Variants in ZNF362 observed in about 807,000 individuals in gnomAD.
ZNF362 encodes the protein rotund homolog.
ZNF362 carries 11 observed loss-of-function variants against 42.9 expected under a neutral mutation model. The observed-to-expected ratio is 0.26, with a 90% CI of 0.16 to 0.42. ZNF362 has a LOEUF of 0.42. ZNF362 is among the 20% of genes least tolerant of loss of function. The pLI, the probability that ZNF362 is intolerant of heterozygous loss-of-function variation, is 1.00. For missense variants in ZNF362, 362 were observed against 576.2 expected (o/e 0.63, Z 3.81); for synonymous variants, 255 against 257.3 (o/e 0.99, Z 0.09).
chr1:33,294,823 A>G lies in ZNF362; in HGVS notation c.909-114A>G, dbSNP rs973118368. ...CTGGGCTCACTCTTGGTCCTTGGGG[A>G]GCATGGGCAGGGTAGGGACCGAGAG... On this transcript the variant is annotated intron_variant, in intron 6 of 8. Coordinates refer to ENST00000539719, the MANE Select transcript of ZNF362 (RefSeq NM_152493.3). The surrounding 1 kb of genome is among the most constrained non-coding windows in gnomAD (Gnocchi z 4.2). The G allele has an allele frequency of 7.1e-6, 8 of 1,125,302 alleles. No homozygotes were observed. Among genetic ancestry groups the G allele is most frequent in the Non-Finnish European group, 1.0e-5 (8 of 763,408 alleles). 69.7% of individuals were successfully genotyped at this position (1,125,302 alleles called of 1,614,324 possible).
chr1:33,196,117 C>T, the ZNF362 span: 2 of 152,268 alleles, frequency 1.3e-5, no homozygotes, highest in African/African-American at 4.8e-5. Flanking sequence ...CAGTGGTCCA[C>T]ACCTGTAATC....
Position 33,295,236 on chromosome 1 carries a change from C to T in ZNF362, c.1077C>T (p.His359=). The T allele has an allele frequency of 1.9e-6, 3 of 1,614,262 alleles. No individual in the cohort carries two copies. Among genetic ancestry groups the T allele is most frequent in the South Asian group, 2.2e-5 (2 of 91,086 alleles). The change falls in exon 8 of 9, where the codon CAC becomes CAT. Residue 359 remains histidine (H), a synonymous_variant. Coordinates refer to ENST00000539719, the MANE Select transcript of ZNF362 (RefSeq NM_152493.3). The part of the protein sequence containing the change: ...AYSDSASLQI[H]LSAHAIKHAK... The stretch of plus-strand genomic sequence containing the variant: ...CGGACTCCGCTTCTTTGCAGATCCA[C>T]CTCTCGGCCCACGCCATCAAGCACG...
the ZNF362 span, among the ~76,000 whole-genome samples, chr1:33,215,504 AG>A: frequency 1.3e-5 from 2 of 152,208 alleles, no homozygotes; most frequent in Non-Finnish European, 2.9e-5. Flanking sequence ...AATAACTAAA[AG>A]AGTGATATTG....
In ZNF362 at chr1:33,295,616, G is replaced by A. The variant is rs565641379; in HGVS notation, c.1146+311G>A. Among the ~76,000 whole-genome samples, 166 of 151,948 alleles carry A rather than the reference G, an allele frequency of 1.1e-3. 1 individual carries two copies. The highest frequency in any genetic ancestry group is 3.4e-3 in the Middle Eastern group (1 of 292). ...CACCTGCTCCGCAGAGCTACAGAGAGAAGCGCCTTCCTGTCACCCAGGAAG... is the reference window on the plus strand; with the variant it reads ...CACCTGCTCCGCAGAGCTACAGAGAAAAGCGCCTTCCTGTCACCCAGGAAG... On this transcript the variant is annotated intron_variant, in intron 8 of 8. Transcript: ENST00000539719.
the ZNF362 span, among the ~76,000 whole-genome samples, chr1:33,227,997 AG>A: frequency 1.3e-5 from 2 of 152,184 alleles, no homozygotes; most frequent in African/African-American, 4.8e-5. Flanking sequence ...AATTGTGAAA[AG>A]GGCTCAGGTT....
chr1:33,249,812 G>C, the ZNF362 span, among the ~76,000 whole-genome samples: 1 of 152,132 alleles, frequency 6.6e-6, no homozygotes. Context: ...TGAAGAACAG[G>C]CAGCCAACAT....
chr1:33,149,360 G>T, the ZNF362 span, among the ~76,000 whole-genome samples: 1 of 151,970 alleles, frequency 6.6e-6, no homozygotes, highest in Non-Finnish European at 1.5e-5. Flanking sequence ...CGTCATGTTG[G>T]CCAGGCTGGT....
At chr1:33,252,278 G>A (rs1645764863), upstream of ZNF362, among the ~76,000 whole-genome samples, 1 of 152,222 alleles carries the variant, frequency 6.6e-6, no homozygotes, top group South Asian at 2.1e-4. Context: ...CTTGAACCCA[G>A]GAGGCAGAGG....
the ZNF362 span, among the ~76,000 whole-genome samples, chr1:33,185,867 A>G: frequency 6.6e-6 from 1 of 152,226 alleles, no homozygotes; most frequent in African/African-American, 2.4e-5. Flanking sequence ...AGACTTAGAC[A>G]CAATCACAGG....
chr1:33,151,291 C>T, the ZNF362 span, among the ~76,000 whole-genome samples: 1 of 152,016 alleles, frequency 6.6e-6, no homozygotes, highest in African/African-American at 2.4e-5. Context: ...ACTGGGCCGG[C>T]CTAGGGGCAG....
At chr1:33,250,852 G>GAAGAA in the ZNF362 span, among the ~76,000 whole-genome samples, 86 of 137,592 alleles carry the variant, frequency 6.3e-4, no homozygotes, top group African/African-American at 1.9e-3. Context: ...GAAGAAAGAA[G>GAAGAA]GAAGAAGAAG....
the ZNF362 span, among the ~76,000 whole-genome samples, chr1:33,191,177 A>G: frequency 6.6e-6 from 1 of 152,144 alleles, no homozygotes; most frequent in South Asian, 2.1e-4. Flanking sequence ...GCAGTTACCT[A>G]CTTAATAATT....
the ZNF362 span, among the ~76,000 whole-genome samples, chr1:33,240,721 C>T: frequency 6.6e-6 from 1 of 152,096 alleles, no homozygotes; most frequent in African/African-American, 2.4e-5. Flanking sequence ...CCGTCATATC[C>T]CATATCCCTG....
rs754333320 is a variant in ZNF362, at chr1:33,276,500, G to A, written c.255G>A (p.Leu85=). 5 of 1,575,956 alleles carry A rather than the reference G, an allele frequency of 3.2e-6. No homozygotes were observed. The African/African-American group carries it at 4.0e-5, about 13-fold the overall frequency. Residue 85 remains leucine, a synonymous_variant, in exon 4 of 9, where the codon CTG becomes CTA. Transcript: ENST00000539719. ...AGAGCAGCCAGGCCGTCATGTCGCT[G>A]CCCAAGCTGCAGCAGGTGCCGGGGC... ...PAESSQAVMS[L]PKLQQVPGLH... is the part of the protein sequence containing the mutation.
At position 33,281,558 on chromosome 1, in the gene ZNF362, C is replaced by G. The variant is rs757732044; in HGVS notation, c.684-29C>G. On this transcript the variant is annotated intron_variant, in intron 5 of 8. Coordinates refer to ENST00000539719, the MANE Select transcript of ZNF362 (RefSeq NM_152493.3). The surrounding 1 kb of genome is among the most constrained non-coding windows in gnomAD (Gnocchi z 4.8). ...TGAGATGGACAGTCTGGGGGATCTT[C>G]CCACGTGAACCTGTCTCTTGCTCCG... The G allele has an allele frequency of 3.1e-6, 5 of 1,610,746 alleles. No individual in the cohort carries two copies. In the South Asian group the frequency reaches 5.5e-5, roughly 18 times the overall value.
At chr1:33,187,081 C>G in the ZNF362 span, among the ~76,000 whole-genome samples, 1 of 152,072 alleles carries the variant, frequency 6.6e-6, no homozygotes, top group East Asian at 1.9e-4. Flanking sequence ...GGAAATGGTA[C>G]AAAACCTCAG....
intron 6 of ZNF362, among the ~76,000 whole-genome samples, chr1:33,283,165 T>G (rs1053427546): frequency 2.0e-5 from 3 of 152,162 alleles, no homozygotes; most frequent in African/African-American, 7.2e-5. Flanking sequence ...TCTCACTCTA[T>G]TGCCCAGGCT....
the ZNF362 span, among the ~76,000 whole-genome samples, chr1:33,149,098 G>C: frequency 6.6e-6 from 1 of 152,082 alleles, no homozygotes; most frequent in African/African-American, 2.4e-5. Flanking sequence ...AAGCCTTCCT[G>C]GTCACCCAGC....
chr1:33,263,890 G>A (rs185157873), intron 1 of ZNF362, among the ~76,000 whole-genome samples: 205 of 152,244 alleles, frequency 1.3e-3, no homozygotes, highest in Non-Finnish European at 2.4e-3. Context: ...GAGTCTGGTG[G>A]GGCCTGTAGC....
Sources: allele counts gnomAD v4.1 joint callset (sites outside exome capture counted in the v4.1 genomes callset), GRCh38; gene constraint gnomAD v4.1.1; non-coding constraint Gnocchi (gnomAD v3.1); transcripts MANE v1.5; gene names NCBI Gene and HGNC (gene_info 2026-07-23, HGNC 2026-07-21).